CDH5: variants seen among roughly 807,000 people sequenced by gnomAD.
CDH5 encodes the protein cadherin-5.
A neutral mutation model predicts 62.0 loss-of-function variants in CDH5; 28 were observed. The observed-to-expected ratio is 0.45, with a 90% CI of 0.33 to 0.62. The LOEUF is 0.62. Ranked by LOEUF, CDH5 falls within the 20% of genes least tolerant of loss-of-function variation. The probability of loss-of-function intolerance (pLI) is 0.02; values close to 1 mark genes in which losing one functional copy is unlikely to be tolerated. For synonymous variants in CDH5, 464 were observed against 445.8 expected (o/e 1.04, Z -0.52); for missense variants, 940 against 1,065.1 (o/e 0.88, Z 1.63).
At chr16:66,390,813 G>A (rs899207030) in intron 6 of CDH5, among the ~76,000 whole-genome samples, 3 of 152,200 alleles carry the variant, frequency 2.0e-5, no homozygotes, top group African/African-American at 7.2e-5. Flanking sequence ...TCTGGGAGGT[G>A]ATCCCAGGAA....
Position 66,402,682 on chromosome 16 carries a change from G to T in CDH5, c.1868G>T (p.Arg623Leu). ...ACCCTGCTCATCTTCCTGCGGCGGC[G>T]GCTCCGGAAGCAGGCCCGCGCGCAC... Reference protein sequence around the residue: ...VITLLIFLRRRLRKQARAHGK... With the variant: ...VITLLIFLRRLLRKQARAHGK... Residue 623 changes from arginine to leucine, a missense_variant, in exon 12 of 12, where the codon CGG (arginine) becomes CTG (leucine). Coordinates refer to ENST00000341529, the MANE Select transcript of CDH5 (RefSeq NM_001795.5). The T allele has an allele frequency of 6.2e-7, 1 of 1,604,794 alleles. No individual in the cohort carries two copies. The highest frequency in any genetic ancestry group is 8.5e-7 in the Non-Finnish European group (1 of 1,176,918).
chr16:66,402,522 G>T, intron 11 of CDH5, 130 bp from the exon 12 acceptor site: 1 of 741,248 alleles, frequency 1.3e-6, no homozygotes, highest in Non-Finnish European at 2.1e-6. Context: ...AGGGGAAGGG[G>T]GGGCCAAAGG....
chr16:66,378,818 G>A (rs1960830034), intron 1 of CDH5, among the ~76,000 whole-genome samples: 1 of 152,084 alleles, frequency 6.6e-6, no homozygotes, highest in Admixed American at 6.5e-5. Flanking sequence ...AAGGCATGAA[G>A]GGGGTCTGGT....
In CDH5 at chr16:66,402,809, G is replaced by C. The variant is rs757575599; in HGVS notation, c.1995G>C (p.Ser665=). Residue 665 remains serine, a synonymous_variant, in exon 12 of 12, where the codon TCG becomes TCC. Coordinates refer to ENST00000341529, the MANE Select transcript of CDH5 (RefSeq NM_001795.5). The part of the protein sequence containing the change: ...TTSYDVSVLN[S]VRRGGAKPPR... The stretch of plus-strand genomic sequence containing the variant: ...GCTACGATGTGTCGGTGCTCAACTC[G>C]GTGCGCCGCGGCGGGGCCAAGCCCC... The C allele has an allele frequency of 6.3e-6, 10 of 1,599,526 alleles. No homozygotes were observed. In the Admixed American group the frequency reaches 6.9e-5, roughly 11 times the overall value.
intron 2 of CDH5, among the ~76,000 whole-genome samples, chr16:66,385,372 G>A (rs1960965281): frequency 6.6e-6 from 1 of 152,166 alleles, no homozygotes; most frequent in Admixed American, 6.5e-5. Context: ...AACAGTACAT[G>A]TTACACAGAA....
chr16:66,379,154 A>T, intron 1 of CDH5, 165 bp from the exon 2 acceptor site: 2 of 618,612 alleles, frequency 3.2e-6, no homozygotes, highest in Non-Finnish European at 5.7e-6. Flanking sequence ...ATCCGAGTGC[A>T]TGACTGCTCC....
intron 4 of CDH5, among the ~76,000 whole-genome samples, chr16:66,389,065 A>G (rs1016410826): frequency 2.0e-5 from 3 of 152,234 alleles, no homozygotes; most frequent in Admixed American, 6.5e-5. Flanking sequence ...CAAGGCAGAC[A>G]TCACTAATCT....
At chr16:66,395,016 A>ATTTTTTT (rs1567467147) in intron 7 of CDH5, among the ~76,000 whole-genome samples, 1 of 19,950 alleles carries the variant, frequency 5.0e-5, no homozygotes, top group African/African-American at 1.6e-4. Context: ...CACCAGGCTA[A>ATTTTTTT]TCTTTTTTTT....
At chr16:66,401,424 A>G (rs539942482) in intron 11 of CDH5, among the ~76,000 whole-genome samples, 24 of 152,242 alleles carry the variant, frequency 1.6e-4, no homozygotes, top group Non-Finnish European at 3.4e-4. Context: ...TAAAATGGAA[A>G]GTTTAAAAAC....
Position 66,402,918 on chromosome 16 carries a change from C to T in CDH5, c.2104C>T (p.Pro702Ser), listed in dbSNP as rs1341550817. 2 of 1,611,878 alleles carry T rather than the reference C, an allele frequency of 1.2e-6. No individual in the cohort carries two copies. Among genetic ancestry groups the T allele is most frequent in the Non-Finnish European group, 8.5e-7 (1 of 1,179,798 alleles). The change falls in exon 12 of 12, where the codon CCC becomes TCC. Residue 702 changes from proline to serine, a missense_variant. Coordinates refer to ENST00000341529, the MANE Select transcript of CDH5 (RefSeq NM_001795.5). ...GCACGCGCCTGGGGCACACGGAGGG[C>T]CCGGGGAGATGGCAGCCATGATCGA... Reference protein sequence around the residue: ...PRHAPGAHGGPGEMAAMIEVK... With the variant: ...PRHAPGAHGGSGEMAAMIEVK...
chr16:66,391,720 C>T (rs1961087753), intron 6 of CDH5, among the ~76,000 whole-genome samples: 1 of 152,124 alleles, frequency 6.6e-6, no homozygotes, highest in Admixed American at 6.5e-5. Flanking sequence ...TTGTAGTGAG[C>T]GGAGGTCGTG....
At chr16:66,387,776 G>A (rs1486005842) in intron 3 of CDH5, among the ~76,000 whole-genome samples, 13 of 152,206 alleles carry the variant, frequency 8.5e-5, no homozygotes. Flanking sequence ...TGGTGTGGGG[G>A]ACAGAGCACT....
rs748975422 is a variant in CDH5 at position 66,400,924 on chromosome 16, G to A, written c.1745G>A (p.Gly582Asp). The A allele has an allele frequency of 6.2e-6, 10 of 1,614,206 alleles. No homozygotes were observed. The highest frequency in any genetic ancestry group is 2.2e-5 in the East Asian group (1 of 44,892). Reference protein sequence around the residue: ...TVAVCKCNEQGEFTFCEDMAA... With the variant: ...TVAVCKCNEQDEFTFCEDMAA... ...GCCGTGTGCAAGTGCAACGAGCAGG[G>A]CGAGTTCACCTTCTGCGAGGATATG... Residue 582 changes from glycine (G) to aspartate (D), a missense_variant, in exon 11 of 12, where the codon GGC becomes GAC. Coordinates refer to ENST00000341529, the MANE Select transcript of CDH5 (RefSeq NM_001795.5).
At chr16:66,402,588 G>C in intron 11 of CDH5, 64 bp from the exon 12 acceptor site, 35 of 1,407,574 alleles carry the variant, frequency 2.5e-5, no homozygotes, top group Non-Finnish European at 3.2e-5. Context: ...TGGGGATGGG[G>C]GCATGGGGGG....
intron 3 of CDH5, among the ~76,000 whole-genome samples, chr16:66,387,985 C>G (rs1446618058): frequency 6.6e-6 from 1 of 152,192 alleles, no homozygotes; most frequent in Non-Finnish European, 1.5e-5. Context: ...AATGACACCA[C>G]TCCTTTGGGG....
At chr16:66,373,526 G>A (rs145518554) in intron 1 of CDH5, among the ~76,000 whole-genome samples, 5,985 of 151,120 alleles carry the variant, frequency 0.04, 373 homozygotes, top group African/African-American at 0.14. Context: ...AGCGATTCTC[G>A]TGCCTCAGCC....
intron 10 of CDH5, among the ~76,000 whole-genome samples, 163 bp from the exon 11 acceptor site, chr16:66,400,608 C>A (rs151223166): frequency 1.3e-5 from 2 of 152,354 alleles, no homozygotes; most frequent in East Asian, 3.9e-4. Context: ...GCGGAACAGA[C>A]CTGCACTCAG....
intron 7 of CDH5, chr16:66,395,586 T>C (rs898720539): frequency 6.6e-6 from 1 of 150,858 alleles, no homozygotes; most frequent in African/African-American, 2.4e-5. Flanking sequence ...ATTATTCCTA[T>C]ATACACAAAA....
At chr16:66,374,219 C>T (rs986844280) in intron 1 of CDH5, among the ~76,000 whole-genome samples, 1 of 152,194 alleles carries the variant, frequency 6.6e-6, no homozygotes, top group Non-Finnish European at 1.5e-5. Flanking sequence ...AGCCCTCCTC[C>T]ACCGTCCCAG....
Sources: allele counts gnomAD v4.1 joint callset (sites outside exome capture counted in the v4.1 genomes callset), GRCh38; gene constraint gnomAD v4.1.1; transcripts MANE v1.5; gene names NCBI Gene and HGNC (gene_info 2026-07-23, HGNC 2026-07-21).